Variants in UNC13C observed in about 807,000 individuals in gnomAD.
UNC13C encodes the protein protein unc-13 homolog C.
A neutral mutation model predicts 245.4 loss-of-function variants in UNC13C; 174 were observed. The observed-to-expected ratio is 0.71, with a 90% confidence interval of 0.63 to 0.80. The LOEUF (loss-of-function observed/expected upper bound fraction) is 0.80. Ranked by LOEUF, UNC13C falls within the 30% of genes least tolerant of loss-of-function variation. UNC13C has a pLI of 0.00. For synonymous variants in UNC13C, 992 were observed against 895.1 expected (o/e 1.11, Z -1.93); for missense variants, 2,829 against 2,602.9 (o/e 1.09, Z -1.89).
At chr15:53,953,704 A>G in the UNC13C span, among the ~76,000 whole-genome samples, 2 of 152,228 alleles carry the variant, frequency 1.3e-5, no homozygotes, top group Non-Finnish European at 2.9e-5. Flanking sequence ...AGCACATTAG[A>G]TATTAATTTA....
intron 13 of UNC13C, among the ~76,000 whole-genome samples, chr15:54,301,924 A>G (rs1330152546): frequency 2.0e-5 from 3 of 151,982 alleles, no homozygotes; most frequent in African/African-American, 4.8e-5. Flanking sequence ...AAGCATTCCT[A>G]TTTCTCCACA....
the UNC13C span, chr15:53,955,783 T>G: frequency 6.6e-6 from 1 of 152,212 alleles, no homozygotes; most frequent in African/African-American, 2.4e-5. Context: ...CCCATTCTGA[T>G]GCCTCTTCAT....
At chr15:54,528,318 CTT>C (rs33919757) in intron 25 of UNC13C, among the ~76,000 whole-genome samples, 6,746 of 140,948 alleles carry the variant, frequency 0.048, 449 homozygotes, top group African/African-American at 0.16. Flanking sequence ...TGGTTTGCTC[CTT>C]TTTTTTTTTT....
At chr15:54,140,150 A>C (rs2031945732) in intron 2 of UNC13C, among the ~76,000 whole-genome samples, 1 of 152,132 alleles carries the variant, frequency 6.6e-6, no homozygotes, top group East Asian at 1.9e-4. Context: ...CTTGTTTATT[A>C]ATCCAGTTAC....
chr15:54,604,205 T>G (rs55940505), intron 30 of UNC13C, among the ~76,000 whole-genome samples: 122 of 152,264 alleles, frequency 8.0e-4, no homozygotes, highest in African/African-American at 2.7e-3. Flanking sequence ...TATCACAATG[T>G]GGTCTGATGA....
chr15:54,441,220 T>C (rs1890510043), intron 19 of UNC13C, among the ~76,000 whole-genome samples: 1 of 152,070 alleles, frequency 6.6e-6, no homozygotes, highest in African/African-American at 2.4e-5. Flanking sequence ...TTTTGAGGTA[T>C]TAGCCCTGAA....
chr15:54,049,984 T>C (rs1897204522), intron 2 of UNC13C: 1 of 216,202 alleles, frequency 4.6e-6, no homozygotes, highest in African/African-American at 2.4e-5. Context: ...AGGTTTCTTT[T>C]TGTGAGACAG....
At chr15:54,400,723 T>G (rs1250195801) in intron 18 of UNC13C, among the ~76,000 whole-genome samples, 5 of 152,180 alleles carry the variant, frequency 3.3e-5, no homozygotes, top group Non-Finnish European at 7.3e-5. Flanking sequence ...AATTCGCTAT[T>G]TTATTAGGGA....
chr15:54,201,186 A>G (rs2034510152), intron 4 of UNC13C, among the ~76,000 whole-genome samples: 1 of 152,086 alleles, frequency 6.6e-6, no homozygotes. Flanking sequence ...GTTGCCAACA[A>G]CAAAAATGTC....
At chr15:54,242,958 G>T (rs10518761) in intron 7 of UNC13C, among the ~76,000 whole-genome samples, 34,238 of 151,986 alleles carry the variant, frequency 0.23, 4,647 homozygotes, top group African/African-American at 0.38. Context: ...TATAAAATCC[G>T]AAACATTCTT....
At chr15:53,998,419 A>C (rs1400183011) in intron 1 of UNC13C, among the ~76,000 whole-genome samples, 1 of 151,958 alleles carries the variant, frequency 6.6e-6, no homozygotes, top group Non-Finnish European at 1.5e-5. Context: ...CTTATTTTTC[A>C]ATTTTTTACT....
the UNC13C span, among the ~76,000 whole-genome samples, chr15:53,959,567 C>A: frequency 6.6e-6 from 1 of 152,088 alleles, no homozygotes; most frequent in Non-Finnish European, 1.5e-5. Context: ...TTCACCCATA[C>A]CTAGTAGCTT....
At chr15:54,237,928 A>C (rs964465442) in intron 7 of UNC13C, among the ~76,000 whole-genome samples, 1 of 152,130 alleles carries the variant, frequency 6.6e-6, no homozygotes, top group Non-Finnish European at 1.5e-5. Context: ...ATTCTAACAT[A>C]GCTTCCCTGT....
Position 54,496,856 on chromosome 15 carries a change from T to A in UNC13C, c.5060+2122T>A, listed in dbSNP as rs558686342. 3.3e-5 allele frequency among the ~76,000 whole-genome samples: 5 copies of A among 152,054 alleles called. No individual in the cohort carries two copies. In the South Asian group the frequency reaches 8.3e-4, roughly 25 times the overall value. ...GGGGGGAAGGATAAAAGACTACACA[T>A]TGGGTACAGTAAACACTGCTTAGAT... On this transcript the variant is annotated intron_variant, in intron 20 of 32. Transcript: ENST00000260323.
At position 54,031,381 on chromosome 15, in the gene UNC13C, G is replaced by A. The variant is rs574925992; in HGVS notation, c.2983+15495G>A. On this transcript the variant is annotated intron_variant, in intron 2 of 32. Coordinates refer to ENST00000260323, the MANE Select transcript of UNC13C (RefSeq NM_001080534.3). ...TGGGACTACAGGCAGCCGCCACCGC[G>A]CCTGGCTAATTTTTTGTATTTTTAG... is the stretch of plus-strand genomic sequence containing the variant. 1.8e-3 allele frequency among the ~76,000 whole-genome samples: 278 copies of A among 152,236 alleles called. 1 individual carries two copies. Among genetic ancestry groups the A allele is most frequent in the African/African-American group, 6.3e-3 (263 of 41,544 alleles).
At chr15:54,218,302 G>T (rs973797540) in intron 4 of UNC13C, among the ~76,000 whole-genome samples, 8 of 151,980 alleles carry the variant, frequency 5.3e-5, no homozygotes, top group African/African-American at 1.9e-4. Context: ...TTCCCCATCT[G>T]TTTCCACTGA....
At chr15:54,452,449 G>A (rs1891231056) in intron 19 of UNC13C, among the ~76,000 whole-genome samples, 1 of 152,138 alleles carries the variant, frequency 6.6e-6, no homozygotes, top group Admixed American at 6.5e-5. Flanking sequence ...GGTGTATAGG[G>A]GTGGGTACCT....
chr15:54,013,145 A>G lies in UNC13C; in HGVS notation c.242A>G (p.Glu81Gly). The G allele has an allele frequency of 4.3e-6, 7 of 1,613,876 alleles. No individual in the cohort carries two copies. Among genetic ancestry groups the G allele is most frequent in the Non-Finnish European group, 5.9e-6 (7 of 1,179,844 alleles). The change falls in exon 2 of 33, where the codon GAG becomes GGG. Residue 81 changes from glutamate (E) to glycine (G), a missense_variant. Physicochemically the swap from Glu to Gly is moderately conservative, Grantham distance 98. Transcript: ENST00000260323. ...STHNLSTEEDEASKEFSLSPT... is the reference protein window; with the variant it reads ...STHNLSTEEDGASKEFSLSPT... ...CACAACTTATCCACTGAGGAAGACG[A>G]GGCCAGTAAAGAGTTTTCCCTCTCA...
chr15:54,573,247 T>C (rs1303897281), intron 30 of UNC13C, among the ~76,000 whole-genome samples: 1 of 152,170 alleles, frequency 6.6e-6, no homozygotes, highest in Admixed American at 6.5e-5. Flanking sequence ...CCTTTCCTCC[T>C]TCATTATTCT....
Sources: gnomAD v4.1 joint callset for allele counts (sites outside exome capture counted in the v4.1 genomes callset) on GRCh38, gnomAD v4.1.1 for gene constraint, MANE v1.5 for transcripts, NCBI Gene and HGNC (gene_info 2026-07-23, HGNC 2026-07-21) for gene names.